PABPC4L: variants seen among roughly 807,000 people sequenced by gnomAD.
PABPC4L encodes the protein poly(A) binding protein cytoplasmic 4 like, also known as polyadenylate-binding protein 4-like.
For missense variants in PABPC4L, 452 were observed against 451.4 expected, an observed-to-expected ratio of 1.00 and a Z score of -0.01; for synonymous variants, 169 against 164.1, an observed-to-expected ratio of 1.03 and a Z score of -0.23.
the PABPC4L span, among the ~76,000 whole-genome samples, chr4:134,189,199 G>T: frequency 6.6e-6 from 1 of 151,828 alleles, no homozygotes; most frequent in African/African-American, 2.4e-5. Flanking sequence ...CTTGCATATT[G>T]TCTACTTTTT....
At chr4:133,974,465 T>G in the PABPC4L span, among the ~76,000 whole-genome samples, 2 of 152,066 alleles carry the variant, frequency 1.3e-5, no homozygotes, top group Non-Finnish European at 2.9e-5. Context: ...AACCAAATGT[T>G]TTTTAAATGA....
the PABPC4L span, among the ~76,000 whole-genome samples, chr4:134,185,976 C>T: frequency 6.6e-6 from 1 of 152,118 alleles, no homozygotes; most frequent in Non-Finnish European, 1.5e-5. Context: ...ATCCAACTTA[C>T]AAGGGAGGTG....
At chr4:134,133,060 GTA>G in the PABPC4L span, among the ~76,000 whole-genome samples, 23 of 132,412 alleles carry the variant, frequency 1.7e-4, no homozygotes, top group African/African-American at 6.6e-4. Flanking sequence ...ATATTATTTT[GTA>G]TATATAATTT....
At chr4:134,014,467 C>T in the PABPC4L span, among the ~76,000 whole-genome samples, 3 of 152,150 alleles carry the variant, frequency 2.0e-5, no homozygotes, top group African/African-American at 7.2e-5. Context: ...AATCTGGCCA[C>T]CAGGCCAAGG....
At chr4:133,996,603 G>C in the PABPC4L span, among the ~76,000 whole-genome samples, 1 of 152,212 alleles carries the variant, frequency 6.6e-6, no homozygotes, top group East Asian at 1.9e-4. Context: ...TCATTTTTGA[G>C]AGTTCTATTG....
the PABPC4L span, among the ~76,000 whole-genome samples, chr4:134,164,262 C>CAAAAAAAAAAAAA: frequency 2.9e-5 from 1 of 34,150 alleles, no homozygotes; most frequent in Non-Finnish European, 6.0e-5. Context: ...GACTCCGTCT[C>CAAAAAAAAAAAAA]AAAAAAAAAA....
chr4:134,091,687 T>G, the PABPC4L span, among the ~76,000 whole-genome samples: 1 of 151,870 alleles, frequency 6.6e-6, no homozygotes. Flanking sequence ...TTGTCAAGAA[T>G]AAATAAATTT....
chr4:134,124,488 C>T, the PABPC4L span, among the ~76,000 whole-genome samples: 1 of 152,010 alleles, frequency 6.6e-6, no homozygotes, highest in Admixed American at 6.6e-5. Context: ...TCTCTTTGTT[C>T]TTCAGGTACA....
the PABPC4L span, among the ~76,000 whole-genome samples, chr4:134,047,786 T>A: frequency 6.9e-6 from 1 of 145,378 alleles, no homozygotes; most frequent in Non-Finnish European, 1.5e-5. Context: ...TAAACTTGTG[T>A]TTTTTTCTCT....
At chr4:134,125,887 C>T in the PABPC4L span, among the ~76,000 whole-genome samples, 2 of 152,058 alleles carry the variant, frequency 1.3e-5, no homozygotes, top group Non-Finnish European at 2.9e-5. Context: ...CACACATATA[C>T]ATTCACACAC....
chr4:134,062,303 G>C, the PABPC4L span, among the ~76,000 whole-genome samples: 2 of 151,744 alleles, frequency 1.3e-5, no homozygotes, highest in African/African-American at 4.8e-5. Context: ...CATGAGACTC[G>C]CAGGTCAGTA....
the PABPC4L span, among the ~76,000 whole-genome samples, chr4:134,138,143 T>C: frequency 1.3e-5 from 2 of 151,948 alleles, no homozygotes; most frequent in South Asian, 2.1e-4. Context: ...TTAAAAAAAA[T>C]CAGCTTTTAA....
chr4:134,005,872 G>A, the PABPC4L span, among the ~76,000 whole-genome samples: 1 of 151,624 alleles, frequency 6.6e-6, no homozygotes, highest in Admixed American at 6.6e-5. Flanking sequence ...GCAAACGACA[G>A]GGAACAGAGA....
the PABPC4L span, among the ~76,000 whole-genome samples, chr4:133,982,306 T>G: frequency 6.6e-6 from 1 of 152,012 alleles, no homozygotes. Context: ...GTGTATGCCA[T>G]AGTGTTAAAG....
the PABPC4L span, among the ~76,000 whole-genome samples, chr4:134,064,618 G>T: frequency 2.0e-5 from 3 of 151,894 alleles, no homozygotes; most frequent in Non-Finnish European, 4.4e-5. Context: ...CTTTTATTTA[G>T]GTTCAGCATA....
the PABPC4L span, among the ~76,000 whole-genome samples, chr4:133,960,564 C>T: frequency 3.3e-5 from 5 of 152,282 alleles, no homozygotes; most frequent in African/African-American, 9.6e-5. Context: ...CGAGAAGCCT[C>T]CTGGTCAGAA....
the PABPC4L span, among the ~76,000 whole-genome samples, chr4:134,062,486 G>T: frequency 0.49 from 74,378 of 151,616 alleles, 19,205 homozygotes; most frequent in East Asian, 0.93. Flanking sequence ...TGTTAATATG[G>T]AGCATTGTGC....
the PABPC4L span, among the ~76,000 whole-genome samples, chr4:133,997,520 T>G: frequency 6.6e-6 from 1 of 152,100 alleles, no homozygotes; most frequent in African/African-American, 2.4e-5. Context: ...AAAAACCTTT[T>G]GTATAGTTGC....
chr4:134,195,449 A>C (rs965182647), downstream of PABPC4L, among the ~76,000 whole-genome samples: 28 of 151,948 alleles, frequency 1.8e-4, no homozygotes, highest in African/African-American at 5.1e-4. Context: ...ATGCAAAAAA[A>C]ACAATAATTA....
Sources: gnomAD v4.1 joint callset for allele counts (sites outside exome capture counted in the v4.1 genomes callset) on GRCh38, gnomAD v4.1.1 for gene constraint, MANE v1.5 for transcripts, NCBI Gene and HGNC (gene_info 2026-07-23, HGNC 2026-07-21) for gene names.